The following GRM7 variants were observed in gnomAD, a reference collection of about 807,000 sequenced individuals.
GRM7 encodes the protein metabotropic glutamate receptor 7.
Under a neutral mutation model 84.5 loss-of-function variants are expected in GRM7, and 35 were observed. The observed-to-expected ratio is 0.41, with a 90% CI of 0.32 to 0.55. The LOEUF (loss-of-function observed/expected upper bound fraction) is 0.55, where lower values mean the gene tolerates loss of function less well. GRM7 is among the 20% of genes least tolerant of loss of function. The pLI is 0.19. For missense variants in GRM7, 1,003 were observed against 1,194.6 expected, an observed-to-expected ratio of 0.84 and a Z score of 2.36; for synonymous variants, 487 against 455.1, an observed-to-expected ratio of 1.07 and a Z score of -0.89.
chr3:7,457,152 C>A (rs1283599795), intron 6 of GRM7, among the ~76,000 whole-genome samples: 1 of 152,052 alleles, frequency 6.6e-6, no homozygotes, highest in South Asian at 2.1e-4. Context: ...TTCACTGTTA[C>A]ATTAGTACAA....
At chr3:6,977,269 T>C (rs1274897822) in intron 1 of GRM7, among the ~76,000 whole-genome samples, 1 of 152,124 alleles carries the variant, frequency 6.6e-6, no homozygotes, top group African/African-American at 2.4e-5. Flanking sequence ...GTGCTTTCAG[T>C]GTACAATTTA....
At chr3:7,362,653 A>G (rs1369038581) in intron 4 of GRM7, among the ~76,000 whole-genome samples, 1 of 152,080 alleles carries the variant, frequency 6.6e-6, no homozygotes, top group Admixed American at 6.6e-5. Context: ...TTCATTAAAA[A>G]CATACCTTAT....
chr3:7,168,099 A>T (rs1197295965), intron 2 of GRM7, among the ~76,000 whole-genome samples: 1 of 151,062 alleles, frequency 6.6e-6, no homozygotes, highest in East Asian at 2.0e-4. Context: ...AGAATGGGAT[A>T]TCTGTGTGCT....
intron 6 of GRM7, among the ~76,000 whole-genome samples, chr3:7,454,383 A>G (rs1697918323): frequency 1.3e-5 from 2 of 152,138 alleles, no homozygotes; most frequent in Non-Finnish European, 2.9e-5. Flanking sequence ...TCACATGCCA[A>G]CAGCTAAATA....
intron 2 of GRM7, among the ~76,000 whole-genome samples, chr3:7,218,505 G>T (rs754655047): frequency 5.9e-5 from 9 of 151,760 alleles, no homozygotes; most frequent in Non-Finnish European, 1.3e-4. Context: ...TTTATTGTGG[G>T]GTGGGAATAG....
intron 1 of GRM7, among the ~76,000 whole-genome samples, chr3:7,129,750 T>C (rs888987709): frequency 6.6e-6 from 1 of 152,186 alleles, no homozygotes; most frequent in Non-Finnish European, 1.5e-5. Context: ...CCTGGGTCCT[T>C]GGTGACTGAA....
Position 7,524,623 on chromosome 3 carries a change from T to C in GRM7, c.1516-53799T>C, listed in dbSNP as rs1700721624. ...TAAAAAGTCAGGAAACAACAGGTGC[T>C]GGAGAGGATGTGGAGAAATAGGAAC... On this transcript the variant is annotated intron_variant, in intron 7 of 9. Transcript: ENST00000357716. Among the ~76,000 whole-genome samples, 2 of 86,346 alleles carry C rather than the reference T, an allele frequency of 2.3e-5. 1 individual carries two copies. Among genetic ancestry groups the C allele is most frequent in the African/African-American group, 1.5e-4 (2 of 13,672 alleles). The allele number at this position is 86,346 out of a possible 152,430, so 56.6% of individuals were successfully genotyped here. A position where few individuals can be genotyped will look rare whatever the true frequency, so the allele number is the denominator to read the frequency against.
intron 1 of GRM7, among the ~76,000 whole-genome samples, chr3:6,927,552 T>A (rs1697357491): frequency 2.0e-5 from 3 of 151,758 alleles, no homozygotes. Flanking sequence ...AGTAGTTAAA[T>A]TAGGAAAATT....
chr3:7,055,174 T>A (rs1292987362), intron 1 of GRM7, among the ~76,000 whole-genome samples: 1 of 151,926 alleles, frequency 6.6e-6, no homozygotes, highest in Non-Finnish European at 1.5e-5. Flanking sequence ...TACCAAACAA[T>A]CTATTGGGAT....
intron 5 of GRM7, among the ~76,000 whole-genome samples, chr3:7,443,953 C>G (rs1345250975): frequency 6.6e-6 from 1 of 151,998 alleles, no homozygotes; most frequent in Non-Finnish European, 1.5e-5. Context: ...AACTAACAAA[C>G]AAAAAACTTG....
chr3:7,033,459 A>G (rs1002411838), intron 1 of GRM7, among the ~76,000 whole-genome samples: 3 of 152,230 alleles, frequency 2.0e-5, no homozygotes, highest in African/African-American at 7.2e-5. Flanking sequence ...AAACATGAAA[A>G]GCAACAACAT....
At chr3:7,022,024 A>G (rs1448019129) in intron 1 of GRM7, among the ~76,000 whole-genome samples, 1 of 152,192 alleles carries the variant, frequency 6.6e-6, no homozygotes, top group Non-Finnish European at 1.5e-5. Context: ...TAAAATAGAC[A>G]TACAAAAATA....
intron 8 of GRM7, among the ~76,000 whole-genome samples, chr3:7,673,418 A>C (rs186087095): frequency 7.2e-5 from 11 of 152,252 alleles, no homozygotes; most frequent in Non-Finnish European, 1.6e-4. Context: ...AGGTTCTTAA[A>C]AGGTCACCTT....
At chr3:7,511,978 C>G (rs966636774) in intron 7 of GRM7, among the ~76,000 whole-genome samples, 1 of 151,660 alleles carries the variant, frequency 6.6e-6, no homozygotes, top group African/African-American at 2.4e-5. Context: ...ACTGTCTCCA[C>G]AAAAATAATA....
chr3:6,923,458 G>GA (rs1466260257), intron 1 of GRM7, among the ~76,000 whole-genome samples: 1 of 152,056 alleles, frequency 6.6e-6, no homozygotes, highest in African/African-American at 2.4e-5. Flanking sequence ...ACTCTCACAA[G>GA]AAAAAAATGT....
chr3:7,420,157 C>A (rs1696336338), intron 5 of GRM7, among the ~76,000 whole-genome samples: 1 of 152,080 alleles, frequency 6.6e-6, no homozygotes, highest in Non-Finnish European at 1.5e-5. Flanking sequence ...TTTATTTTTA[C>A]CAGGACCCAG....
chr3:7,592,487 G>A (rs1174479714), intron 8 of GRM7, among the ~76,000 whole-genome samples: 2 of 152,186 alleles, frequency 1.3e-5, no homozygotes, highest in East Asian at 3.9e-4. Flanking sequence ...AGTAGTGTGA[G>A]CTAGGATGGG....
chr3:7,179,506 A>G (rs1256784002), intron 2 of GRM7, among the ~76,000 whole-genome samples: 1 of 152,208 alleles, frequency 6.6e-6, no homozygotes, highest in Admixed American at 6.5e-5. Context: ...TTTCTACTCT[A>G]TATTTTAGAT....
At chr3:7,081,237 A>G (rs1698266207) in intron 1 of GRM7, among the ~76,000 whole-genome samples, 1 of 152,012 alleles carries the variant, frequency 6.6e-6, no homozygotes, top group South Asian at 2.1e-4. Flanking sequence ...AAGCAAGTCC[A>G]TTTCCTAACA....
Sources: gnomAD v4.1 joint callset for allele counts (sites outside exome capture counted in the v4.1 genomes callset) on GRCh38, gnomAD v4.1.1 for gene constraint, MANE v1.5 for transcripts, NCBI Gene and HGNC (gene_info 2026-07-23, HGNC 2026-07-21) for gene names.